The following PTPRN2 variants were observed in gnomAD, a reference collection of about 807,000 sequenced individuals.
PTPRN2 encodes protein tyrosine phosphatase receptor type N2, also known as receptor-type tyrosine-protein phosphatase N2.
A neutral mutation model predicts 118.8 loss-of-function variants in PTPRN2; 74 were observed. The ratio of observed to expected loss-of-function variants is 0.62; its 90% confidence interval spans 0.52 to 0.76. The LOEUF is 0.76. Ranked by LOEUF, PTPRN2 falls within the 30% of genes least tolerant of loss-of-function variation. The probability of loss-of-function intolerance (pLI) is 0.00; values close to 1 mark genes in which losing one functional copy is unlikely to be tolerated. For synonymous variants in PTPRN2, 641 were observed against 608.0 expected, an observed-to-expected ratio of 1.05 and a Z score of -0.80; for missense variants, 1,481 against 1,394.4, an observed-to-expected ratio of 1.06 and a Z score of -0.99.
chr7:158,366,377 C>T (rs537009439), intron 2 of PTPRN2, among the ~76,000 whole-genome samples: 4 of 47,944 alleles, frequency 8.3e-5, no homozygotes, highest in Admixed American at 4.3e-4. Flanking sequence ...CGCGTGCAAA[C>T]GCACACACAC....
intron 14 of PTPRN2, among the ~76,000 whole-genome samples, chr7:157,655,248 A>G (rs1239994148): frequency 1.3e-5 from 2 of 152,176 alleles, no homozygotes; most frequent in East Asian, 3.9e-4. Context: ...TCCAGGGAGA[A>G]GGCTGCTGAG....
intron 12 of PTPRN2, among the ~76,000 whole-genome samples, chr7:157,700,465 G>T (rs553718135): frequency 1.3e-5 from 2 of 152,236 alleles, no homozygotes; most frequent in East Asian, 3.9e-4. Flanking sequence ...CCATCTTTGG[G>T]GTGAGGCTTG....
At chr7:157,687,393 G>A (rs1208488134) in intron 12 of PTPRN2, among the ~76,000 whole-genome samples, 1 of 152,180 alleles carries the variant, frequency 6.6e-6, no homozygotes, top group Non-Finnish European at 1.5e-5. Flanking sequence ...CAGTTAACAG[G>A]AGCAGTTCAT....
intron 13 of PTPRN2, among the ~76,000 whole-genome samples, chr7:157,669,097 C>T (rs1316559580): frequency 3.3e-5 from 5 of 152,182 alleles, no homozygotes; most frequent in African/African-American, 9.7e-5. Context: ...GGTCTCTGAT[C>T]GGCACCGCTA....
chr7:157,945,429 C>A (rs1162125982), intron 11 of PTPRN2, among the ~76,000 whole-genome samples: 1 of 152,144 alleles, frequency 6.6e-6, no homozygotes, highest in Non-Finnish European at 1.5e-5. Flanking sequence ...TGGCGTCTGA[C>A]AAATCAATGT....
At chr7:158,206,785 TTTTC>T (rs1827185576) in intron 3 of PTPRN2, among the ~76,000 whole-genome samples, 1 of 151,422 alleles carries the variant, frequency 6.6e-6, no homozygotes, top group African/African-American at 2.4e-5. Context: ...AACCAAAGTC[TTTTC>T]TTTTTTTTTT....
At chr7:158,459,463 G>A (rs1234119963) in intron 2 of PTPRN2, among the ~76,000 whole-genome samples, 1 of 152,168 alleles carries the variant, frequency 6.6e-6, no homozygotes, top group Non-Finnish European at 1.5e-5. Flanking sequence ...GGCTCCAGGG[G>A]CCCGCAAAAG....
At chr7:157,753,849 C>T (rs1801629201) in intron 12 of PTPRN2, among the ~76,000 whole-genome samples, 1 of 152,200 alleles carries the variant, frequency 6.6e-6, no homozygotes, top group Non-Finnish European at 1.5e-5. Flanking sequence ...GGTTCCTTGC[C>T]AGGCAAGAAC....
At chr7:158,329,916 C>A (rs1168741562) in intron 2 of PTPRN2, among the ~76,000 whole-genome samples, 1 of 152,100 alleles carries the variant, frequency 6.6e-6, no homozygotes, top group African/African-American at 2.4e-5. Flanking sequence ...GAGTGACTGG[C>A]AGAGTGTCCT....
At position 157,611,101 on chromosome 7, in the gene PTPRN2, G is replaced by A. The variant is rs997956017; in HGVS notation, c.2345-7026C>T. ...ATAACCGAGCGCGAGGCTGGTGTCCGGCTTCCACACTGGACGCGTCAAAAG... is the reference window on the plus strand; with the variant it reads ...ATAACCGAGCGCGAGGCTGGTGTCCAGCTTCCACACTGGACGCGTCAAAAG... On this transcript the variant is annotated intron_variant, in intron 15 of 22. Coordinates refer to ENST00000389418, the MANE Select transcript of PTPRN2 (RefSeq NM_002847.5). This position sits in a 1 kb window ranked among gnomAD's most constrained non-coding sequence, Gnocchi z 5.9. 6.6e-6 allele frequency among the ~76,000 whole-genome samples: 1 copy of A among 152,168 alleles called. No homozygotes were observed. The highest frequency in any genetic ancestry group is 1.5e-5 in the Non-Finnish European group (1 of 68,044).
intron 11 of PTPRN2, among the ~76,000 whole-genome samples, chr7:157,925,914 G>A (rs150670331): frequency 4.6e-5 from 7 of 152,206 alleles, no homozygotes; most frequent in South Asian, 2.1e-4. Flanking sequence ...CTTCTGTGTC[G>A]TTCTAAAACC....
intron 11 of PTPRN2, among the ~76,000 whole-genome samples, chr7:157,946,110 T>A (rs1800468638): frequency 6.6e-6 from 1 of 152,194 alleles, no homozygotes; most frequent in Non-Finnish European, 1.5e-5. Context: ...CCACTTTGCC[T>A]CTTGTCTTGA....
Position 157,991,847 on chromosome 7 carries a change from G to C in PTPRN2, c.1723+89451C>G, listed in dbSNP as rs150000073. ...GCTGGGGACCCAGGACGAGGCCAAG[G>C]GCACCTAAGCGCTGAGCAGGAGTGA... On this transcript the variant is annotated intron_variant, in intron 11 of 22. Coordinates refer to ENST00000389418, the MANE Select transcript of PTPRN2 (RefSeq NM_002847.5). Among the ~76,000 whole-genome samples, 774 of 152,300 alleles carry C rather than the reference G, an allele frequency of 5.1e-3. 1 individual carries two copies. The highest frequency in any genetic ancestry group is 0.018 in the African/African-American group (738 of 41,562).
At chr7:158,160,860 C>T (rs1322703126) in intron 6 of PTPRN2, among the ~76,000 whole-genome samples, 5 of 152,198 alleles carry the variant, frequency 3.3e-5, no homozygotes, top group Admixed American at 3.3e-4. Context: ...GTTATTATTG[C>T]TTATTTTATT....
intron 13 of PTPRN2, among the ~76,000 whole-genome samples, chr7:157,681,356 T>C (rs1473478481): frequency 1.3e-5 from 2 of 152,240 alleles, no homozygotes; most frequent in Admixed American, 6.5e-5. Flanking sequence ...AAATTCTTAC[T>C]AGTTTATGTG....
Position 157,865,655 on chromosome 7 carries a change from G to A in PTPRN2, c.1788+33018C>T, listed in dbSNP as rs952687625. The A allele has an allele frequency of 2.6e-5, 4 of 152,386 alleles. No individual in the cohort carries two copies. In the East Asian group the frequency reaches 5.8e-4, roughly 22 times the overall value. 9.4% of individuals were successfully genotyped at this position (152,386 alleles called of 1,614,324 possible). A position where few individuals can be genotyped will look rare whatever the true frequency, so the allele number is the denominator to read the frequency against. On this transcript the variant is annotated intron_variant, in intron 12 of 22. Coordinates refer to ENST00000389418, the MANE Select transcript of PTPRN2 (RefSeq NM_002847.5). ...GTCTTCCCAGTGTTGTCTTCACAGTGGAGAGATGAGTTCACACAGCCTTAT... is the reference window on the plus strand; with the variant it reads ...GTCTTCCCAGTGTTGTCTTCACAGTAGAGAGATGAGTTCACACAGCCTTAT...
intron 5 of PTPRN2, among the ~76,000 whole-genome samples, chr7:158,185,777 GCTCTGCA>G (rs1825079617): frequency 6.6e-6 from 1 of 152,160 alleles, no homozygotes; most frequent in South Asian, 2.1e-4. Flanking sequence ...ATCCCTTTAT[GCTCTGCA>G]CTCAGCCGCC....
chr7:158,006,093 C>T (rs1585188001), intron 11 of PTPRN2, among the ~76,000 whole-genome samples: 1 of 152,202 alleles, frequency 6.6e-6, no homozygotes, highest in African/African-American at 2.4e-5. Context: ...GAACCTCTCC[C>T]TTCTTGGGGC....
chr7:158,511,010 A>G (rs1823141409), intron 1 of PTPRN2, among the ~76,000 whole-genome samples: 1 of 152,256 alleles, frequency 6.6e-6, no homozygotes, highest in Non-Finnish European at 1.5e-5. Context: ...TTCCTTGAGT[A>G]ATAGAACTAT....
Sources: allele counts gnomAD v4.1 joint callset (sites outside exome capture counted in the v4.1 genomes callset), GRCh38; gene constraint gnomAD v4.1.1; non-coding constraint Gnocchi (gnomAD v3.1); transcripts MANE v1.5; gene names NCBI Gene and HGNC (gene_info 2026-07-23, HGNC 2026-07-21).